The following EML1 variants were observed in gnomAD, a reference collection of about 807,000 sequenced individuals.
EML1 encodes echinoderm microtubule-associated protein-like 1.
In EML1, 27 loss-of-function variants were observed where a neutral mutation model predicts 110.4. The ratio of observed to expected loss-of-function variants is 0.24; its 90% CI spans 0.18 to 0.34. EML1 has a LOEUF of 0.34. Ranked by LOEUF, EML1 falls within the 10% of genes least tolerant of loss-of-function variation. The pLI, the probability that EML1 is intolerant of heterozygous loss-of-function variation, is 1.00. For missense variants in EML1, 741 were observed against 1,030.9 expected (o/e 0.72, Z 3.85); for synonymous variants, 344 against 385.8 (o/e 0.89, Z 1.27).
intron 4 of EML1, among the ~76,000 whole-genome samples, chr14:99,884,918 C>T (rs1364445080): frequency 6.6e-6 from 1 of 152,148 alleles, no homozygotes; most frequent in Admixed American, 6.5e-5. Context: ...AACTCAGGAT[C>T]CCCTTTTTCT....
rs956805370 is a variant in EML1 at position 99,936,617 on chromosome 14, A to T, written c.2095+283A>T. ...GCAGAGGGGGGCTTGGGGCAGGCGG[A>T]TGTGGCAGAAGGGGGCGGGTCCGGG... On this transcript the variant is annotated intron_variant, in intron 19 of 21. Transcript: ENST00000262233. This position sits in a 1 kb window ranked among gnomAD's most constrained non-coding sequence, Gnocchi z 5.5. 4.6e-5 allele frequency among the ~76,000 whole-genome samples: 7 copies of T among 152,036 alleles called. No individual in the cohort carries two copies. The highest frequency in any genetic ancestry group is 3.3e-4 in the Admixed American group (5 of 15,264).
chr14:99,853,366 G>T (rs1300009433), intron 2 of EML1, among the ~76,000 whole-genome samples: 2 of 152,070 alleles, frequency 1.3e-5, no homozygotes, highest in Non-Finnish European at 2.9e-5. Context: ...GGCAGGAGGG[G>T]CGTGCCCGTG....
intron 5 of EML1, chr14:99,892,295 G>GA: frequency 5.0e-6 from 4 of 796,932 alleles, no homozygotes; most frequent in Non-Finnish European, 6.1e-6. Flanking sequence ...CTCCTTGTAT[G>GA]AAAATGTTTT....
intron 4 of EML1, among the ~76,000 whole-genome samples, chr14:99,880,792 G>A (rs2059372004): frequency 6.6e-6 from 1 of 152,186 alleles, no homozygotes; most frequent in African/African-American, 2.4e-5. Context: ...ACAAATTAGA[G>A]ATTTTATACC....
intron 1 of EML1, among the ~76,000 whole-genome samples, chr14:99,832,935 TCG>T (rs1329235737): frequency 5.9e-5 from 9 of 152,298 alleles, no homozygotes; most frequent in South Asian, 2.1e-4. Flanking sequence ...GGTACATGTG[TCG>T]GTTCTTACAT....
At chr14:99,938,932 A>G (rs1005899887) in intron 20 of EML1, among the ~76,000 whole-genome samples, 1 of 152,220 alleles carries the variant, frequency 6.6e-6, no homozygotes, top group Non-Finnish European at 1.5e-5. Flanking sequence ...ATGAGGCCTC[A>G]AAAGACCTGG....
At chr14:99,774,797 A>G (rs975050714) in intron 1 of EML1, among the ~76,000 whole-genome samples, 4 of 152,158 alleles carry the variant, frequency 2.6e-5, no homozygotes, top group African/African-American at 9.7e-5. Context: ...TGAAGGAAGG[A>G]AGGGCAGAAG....
rs562491903 is a variant in EML1 at position 99,940,517 on chromosome 14, A to C, written c.*405A>C. 6.5e-6 allele frequency: 1 copy of C among 154,240 alleles called. No individual in the cohort carries two copies. The highest frequency in any genetic ancestry group is 1.9e-4 in the East Asian group (1 of 5,260). 9.6% of individuals were successfully genotyped at this position (154,240 alleles called of 1,614,324 possible). On this transcript the variant is annotated 3_prime_UTR_variant, in exon 22 of 22. Coordinates refer to ENST00000262233, the MANE Select transcript of EML1 (RefSeq NM_004434.3). ...CAAATATTTATGATGATAATGAGGT[A>C]CTGAACCACGATGGCTGTTGAGGAA...
At chr14:99,837,704 C>A (rs1459978964) in intron 1 of EML1, among the ~76,000 whole-genome samples, 3 of 152,226 alleles carry the variant, frequency 2.0e-5, no homozygotes, top group African/African-American at 7.2e-5. Context: ...ACAGTACCAC[C>A]AGCCTGTTTT....
chr14:99,827,990 C>T lies in EML1; in HGVS notation c.68-22863C>T, dbSNP rs549748817. Among the ~76,000 whole-genome samples, 190 of 152,236 alleles carry T rather than the reference C, an allele frequency of 1.2e-3. 1 individual carries two copies. The highest frequency in any genetic ancestry group is 4.3e-3 in the African/African-American group (180 of 41,536). Reference sequence around the variant, plus strand: ...ATGAAATGGAGGGAATTGAAGATTTCGGTGTGCTTGCAGTCTAGGTCTTGA... The same window carrying T: ...ATGAAATGGAGGGAATTGAAGATTTTGGTGTGCTTGCAGTCTAGGTCTTGA... On this transcript the variant is annotated intron_variant, in intron 1 of 21. Coordinates refer to ENST00000262233, the MANE Select transcript of EML1 (RefSeq NM_004434.3). The surrounding 1 kb of genome is among the most constrained non-coding windows in gnomAD (Gnocchi z 4.4).
chr14:99,894,096 C>A (rs763311406), intron 5 of EML1, among the ~76,000 whole-genome samples: 3 of 152,004 alleles, frequency 2.0e-5, no homozygotes, highest in African/African-American at 7.2e-5. Context: ...TGCATTGCAT[C>A]CTAGCATGCA....
intron 4 of EML1, among the ~76,000 whole-genome samples, chr14:99,882,227 G>T (rs765009655): frequency 6.6e-6 from 1 of 152,152 alleles, no homozygotes; most frequent in Non-Finnish European, 1.5e-5. Flanking sequence ...ACATCGTGAT[G>T]GAAGGCTTGT....
intron 1 of EML1, among the ~76,000 whole-genome samples, chr14:99,779,995 G>A (rs1376281541): frequency 6.6e-6 from 1 of 152,168 alleles, no homozygotes; most frequent in African/African-American, 2.4e-5. Context: ...TATTCTGGAG[G>A]CTTGAAGTCT....
At chr14:99,852,145 A>T (rs2058820541) in intron 2 of EML1, among the ~76,000 whole-genome samples, 1 of 152,214 alleles carries the variant, frequency 6.6e-6, no homozygotes, top group Non-Finnish European at 1.5e-5. Context: ...GCCTCCTAAC[A>T]ATTTCTGTCC....
chr14:99,891,040 C>T (rs2059578834), intron 4 of EML1, among the ~76,000 whole-genome samples, 159 bp from the exon 5 acceptor site: 1 of 152,144 alleles, frequency 6.6e-6, no homozygotes, highest in Non-Finnish European at 1.5e-5. Flanking sequence ...ATGTGTGTTC[C>T]TTTTTGCAGT....
intron 1 of EML1, among the ~76,000 whole-genome samples, chr14:99,807,349 C>T (rs1566874800): frequency 6.6e-6 from 1 of 152,222 alleles, no homozygotes; most frequent in Non-Finnish European, 1.5e-5. Context: ...CCTCAGTTTC[C>T]TCAGCTCTAA....
intron 1 of EML1, among the ~76,000 whole-genome samples, chr14:99,826,422 G>A (rs2058359706): frequency 6.6e-6 from 1 of 152,088 alleles, no homozygotes; most frequent in Non-Finnish European, 1.5e-5. Flanking sequence ...CCTATGCATT[G>A]ATTTTGAGCA....
At chr14:99,901,564 T>G (rs1369856498) in intron 9 of EML1, among the ~76,000 whole-genome samples, 1 of 152,222 alleles carries the variant, frequency 6.6e-6, no homozygotes, top group African/African-American at 2.4e-5. Flanking sequence ...CCCATTTTTA[T>G]GACTATTTCT....
intron 15 of EML1, among the ~76,000 whole-genome samples, chr14:99,917,422 AAAATT>A (rs977555528): frequency 6.6e-6 from 1 of 152,076 alleles, no homozygotes; most frequent in Non-Finnish European, 1.5e-5. Context: ...TAAAAATTAA[AAAATT>A]AGCCAGGTGT....
Sources: gnomAD v4.1 joint callset for allele counts (sites outside exome capture counted in the v4.1 genomes callset) on GRCh38, gnomAD v4.1.1 for gene constraint, Gnocchi (gnomAD v3.1) non-coding constraint, MANE v1.5 for transcripts, NCBI Gene and HGNC (gene_info 2026-07-23, HGNC 2026-07-21) for gene names.